The following ZNF407 variants were observed in gnomAD, a reference collection of about 807,000 sequenced individuals.
The protein encoded by ZNF407 is zinc finger protein 407.
In ZNF407, 17 loss-of-function variants were observed where a neutral mutation model predicts 131.2. That is an observed-to-expected ratio of 0.13 (90% CI 0.09 to 0.19). The LOEUF is 0.19. Ranked by LOEUF, ZNF407 falls within the 10% of genes least tolerant of loss-of-function variation. ZNF407 has a pLI of 1.00. For missense variants in ZNF407, 2,681 were observed against 2,830.6 expected (o/e 0.95, Z 1.20); for synonymous variants, 1,156 against 1,062.0 (o/e 1.09, Z -1.72).
chr18:74,880,456 A>G (rs1016387354), intron 5 of ZNF407, among the ~76,000 whole-genome samples: 1 of 152,228 alleles, frequency 6.6e-6, no homozygotes, highest in Non-Finnish European at 1.5e-5. Flanking sequence ...CATAAACAGC[A>G]TTGAATTGCT....
intron 8 of ZNF407, among the ~76,000 whole-genome samples, chr18:75,057,415 A>G (rs1312833828): frequency 6.6e-6 from 1 of 152,212 alleles, no homozygotes; most frequent in Non-Finnish European, 1.5e-5. Flanking sequence ...TGGAGACACA[A>G]TGTGACCTTT....
At chr18:74,993,676 A>C (rs1972745169) in intron 8 of ZNF407, among the ~76,000 whole-genome samples, 1 of 152,250 alleles carries the variant, frequency 6.6e-6, no homozygotes, top group African/African-American at 2.4e-5. Flanking sequence ...TAAACTGTTA[A>C]GAAACAAAAA....
intron 3 of ZNF407, among the ~76,000 whole-genome samples, chr18:74,689,194 G>T (rs962559668): frequency 6.6e-5 from 10 of 152,108 alleles, no homozygotes; most frequent in Admixed American, 2.0e-4. Context: ...TCTGCATACA[G>T]ATCTTGCACA....
chr18:74,987,427 G>A (rs769930583), intron 8 of ZNF407, among the ~76,000 whole-genome samples: 2 of 152,188 alleles, frequency 1.3e-5, no homozygotes, highest in African/African-American at 2.4e-5. Flanking sequence ...GTGAGCTCAC[G>A]TGTGGTGTCC....
intron 8 of ZNF407, among the ~76,000 whole-genome samples, chr18:74,937,045 T>C (rs1432623863): frequency 6.6e-6 from 1 of 152,208 alleles, no homozygotes; most frequent in Non-Finnish European, 1.5e-5. Context: ...AAACAAATTT[T>C]GGACATTTTG....
intron 3 of ZNF407, among the ~76,000 whole-genome samples, chr18:74,677,167 T>C (rs1399357910): frequency 1.3e-5 from 2 of 152,352 alleles, no homozygotes; most frequent in Admixed American, 1.3e-4. Context: ...CTTGGCTCAC[T>C]GCATCCTCCG....
chr18:75,028,259 T>C (rs910492303), intron 8 of ZNF407, among the ~76,000 whole-genome samples: 1 of 152,214 alleles, frequency 6.6e-6, no homozygotes, highest in African/African-American at 2.4e-5. Context: ...TTTCGGAGGC[T>C]ACCAGTTTGA....
At chr18:74,944,018 T>G (rs536492419) in intron 8 of ZNF407, among the ~76,000 whole-genome samples, 1 of 152,188 alleles carries the variant, frequency 6.6e-6, no homozygotes, top group Non-Finnish European at 1.5e-5. Context: ...TTTCCCCCCT[T>G]CTTAGTTAGC....
At chr18:74,759,983 A>AAT (rs563137069) in intron 3 of ZNF407, among the ~76,000 whole-genome samples, 2,678 of 145,574 alleles carry the variant, frequency 0.018, 87 homozygotes, top group African/African-American at 0.062. Context: ...TCCATATATA[A>AAT]ATATATATAT....
intron 8 of ZNF407, among the ~76,000 whole-genome samples, chr18:74,946,337 T>C (rs58315400): frequency 0.01 from 1,574 of 152,304 alleles, 28 homozygotes; most frequent in African/African-American, 0.035. Context: ...CTAATAACCA[T>C]GGCATTTGTT....
chr18:74,956,392 T>C (rs1369096756), intron 8 of ZNF407, among the ~76,000 whole-genome samples: 1 of 152,090 alleles, frequency 6.6e-6, no homozygotes, highest in African/African-American at 2.4e-5. Context: ...CCATTCTGTT[T>C]TATTGGTTTA....
intron 3 of ZNF407, among the ~76,000 whole-genome samples, chr18:74,725,290 C>T (rs1426588966): frequency 6.6e-6 from 1 of 152,184 alleles, no homozygotes; most frequent in Non-Finnish European, 1.5e-5. Flanking sequence ...GCACACACCG[C>T]CACACCTAGA....
chr18:74,774,049 T>C (rs12962873), intron 3 of ZNF407, among the ~76,000 whole-genome samples: 13,759 of 152,276 alleles, frequency 0.09, 850 homozygotes, highest in African/African-American at 0.17. Context: ...CAAATAAACA[T>C]AGTAGCCAAC....
At chr18:74,890,397 G>A (rs948335447) in intron 7 of ZNF407, among the ~76,000 whole-genome samples, 3 of 152,052 alleles carry the variant, frequency 2.0e-5, no homozygotes, top group Middle Eastern at 3.2e-3. Context: ...CGCTGTGGAC[G>A]GTGAACATTC....
intron 8 of ZNF407, among the ~76,000 whole-genome samples, chr18:75,025,644 AT>A (rs751396106): frequency 2.9e-4 from 44 of 152,288 alleles, no homozygotes; most frequent in Non-Finnish European, 5.4e-4. Flanking sequence ...TTTGTGTGTT[AT>A]AAAAGCAGTT....
chr18:74,878,014 G>A (rs1430182940), intron 5 of ZNF407, among the ~76,000 whole-genome samples: 1 of 152,166 alleles, frequency 6.6e-6, no homozygotes, highest in Admixed American at 6.5e-5. Flanking sequence ...TGGAATTTCC[G>A]CTAATTGGTA....
At position 75,015,221 on chromosome 18, in the gene ZNF407, A is replaced by C. The variant is rs530050559; in HGVS notation, c.5429-47929A>C. 2.6e-5 allele frequency among the ~76,000 whole-genome samples: 4 copies of C among 152,190 alleles called. No individual in the cohort carries two copies. In the South Asian group the frequency reaches 6.2e-4, roughly 24 times the overall value. On this transcript the variant is annotated intron_variant, in intron 8 of 8. Coordinates refer to ENST00000299687, the MANE Select transcript of ZNF407 (RefSeq NM_017757.3). Reference sequence around the variant, plus strand: ...AAGGCAATAAATATTTTAGGGGAAAAGTCAATAATAAATTGGACCCAACAG... The same window carrying C: ...AAGGCAATAAATATTTTAGGGGAAACGTCAATAATAAATTGGACCCAACAG...
At chr18:74,904,376 A>AT (rs1247020864) in intron 7 of ZNF407, among the ~76,000 whole-genome samples, 2 of 152,132 alleles carry the variant, frequency 1.3e-5, no homozygotes, top group Non-Finnish European at 2.9e-5. Context: ...GAAATGTATT[A>AT]TTTTTTCTCT....
intron 8 of ZNF407, among the ~76,000 whole-genome samples, chr18:75,028,681 G>A (rs562482183): frequency 2.0e-4 from 31 of 152,310 alleles, no homozygotes; most frequent in African/African-American, 7.2e-4. Flanking sequence ...AGAAGGGCAG[G>A]GTGTGGGCCT....
Sources: allele counts gnomAD v4.1 joint callset (sites outside exome capture counted in the v4.1 genomes callset), GRCh38; gene constraint gnomAD v4.1.1; transcripts MANE v1.5; gene names NCBI Gene and HGNC (gene_info 2026-07-23, HGNC 2026-07-21).